The following SIPA1L3 variants were observed in gnomAD, a reference collection of about 807,000 sequenced individuals.
SIPA1L3 encodes signal induced proliferation associated 1 like 3.
Under a neutral mutation model 150.1 loss-of-function variants are expected in SIPA1L3, and 59 were observed. The observed-to-expected ratio is 0.39, with a 90% CI of 0.32 to 0.49. The LOEUF is 0.49. Ranked by LOEUF, SIPA1L3 falls within the 20% of genes least tolerant of loss-of-function variation. The probability of loss-of-function intolerance (pLI) is 0.86; values close to 1 mark genes in which losing one functional copy is unlikely to be tolerated. For synonymous variants in SIPA1L3, 1,070 were observed against 1,077.6 expected, an observed-to-expected ratio of 0.99 and a Z score of 0.14; for missense variants, 2,211 against 2,489.5, an observed-to-expected ratio of 0.89 and a Z score of 2.38.
At chr19:38,023,939 G>A (rs1968439387) in intron 1 of SIPA1L3, among the ~76,000 whole-genome samples, 2 of 152,186 alleles carry the variant, frequency 1.3e-5, no homozygotes, top group South Asian at 4.1e-4. Flanking sequence ...CTAATAATCT[G>A]CCCACTTGGA....
At chr19:38,068,980 T>C (rs1281864133) in intron 2 of SIPA1L3, among the ~76,000 whole-genome samples, 1 of 152,160 alleles carries the variant, frequency 6.6e-6, no homozygotes, top group Non-Finnish European at 1.5e-5. Context: ...AGCTCATCAG[T>C]GTTGACCTTA....
chr19:38,022,957 A>G (rs994915404), intron 1 of SIPA1L3, among the ~76,000 whole-genome samples: 6 of 151,948 alleles, frequency 3.9e-5, no homozygotes, highest in Non-Finnish European at 8.8e-5. Flanking sequence ...GTTTGTTCCC[A>G]TTTCCACCCC....
intron 1 of SIPA1L3, among the ~76,000 whole-genome samples, chr19:37,962,865 C>T (rs1373049546): frequency 1.3e-5 from 2 of 152,204 alleles, no homozygotes; most frequent in African/African-American, 2.4e-5. Flanking sequence ...TGATTTCTAC[C>T]TTCCAGGCCA....
chr19:38,098,779 A>G (rs190331258), intron 4 of SIPA1L3, among the ~76,000 whole-genome samples: 108 of 152,306 alleles, frequency 7.1e-4, no homozygotes, highest in African/African-American at 2.4e-3. Context: ...TTGGGAAGCA[A>G]CATCTGGGGA....
chr19:38,135,949 G>C (rs1040269887), intron 10 of SIPA1L3, among the ~76,000 whole-genome samples: 1 of 151,956 alleles, frequency 6.6e-6, no homozygotes, highest in East Asian at 1.9e-4. Flanking sequence ...CAGCCAGGCC[G>C]CATGGCTTGC....
At chr19:38,022,423 A>G (rs776110774) in intron 1 of SIPA1L3, among the ~76,000 whole-genome samples, 5 of 151,892 alleles carry the variant, frequency 3.3e-5, no homozygotes, top group Non-Finnish European at 7.4e-5. Flanking sequence ...GTGAGACCCT[A>G]TCTTTAAGAA....
At position 38,193,770 on chromosome 19, in the gene SIPA1L3, C is replaced by G. The variant is rs753354592; in HGVS notation, c.4830C>G (p.Pro1610=). 7.0e-6 allele frequency: 11 copies of G among 1,572,364 alleles called. No homozygotes were observed. The highest frequency in any genetic ancestry group is 1.8e-5 in the Admixed American group (1 of 55,840). Residue 1610 remains proline, a synonymous_variant, in exon 18 of 22, where the codon CCC becomes CCG. Transcript: ENST00000222345. ...GATPAAGSGF[P]EKKSTISASE... Reference sequence around the variant, plus strand: ...CCCCTGCCGCCGGCAGCGGCTTTCCCGAGAAGAAATGTGAGCCTGGGCCCC... The same window carrying G: ...CCCCTGCCGCCGGCAGCGGCTTTCCGGAGAAGAAATGTGAGCCTGGGCCCC...
At chr19:38,022,753 A>G (rs1297730587) in intron 1 of SIPA1L3, among the ~76,000 whole-genome samples, 2 of 152,220 alleles carry the variant, frequency 1.3e-5, no homozygotes, top group Non-Finnish European at 2.9e-5. Context: ...AACACAACAG[A>G]AAACAGTGCC....
chr19:37,929,968 C>T (rs1442652786), intron 1 of SIPA1L3, among the ~76,000 whole-genome samples: 1 of 151,922 alleles, frequency 6.6e-6, no homozygotes, highest in Non-Finnish European at 1.5e-5. Flanking sequence ...AAGCAATCCT[C>T]CCGCCTCAAC....
At chr19:38,113,831 C>T (rs1291609401) in intron 8 of SIPA1L3, among the ~76,000 whole-genome samples, 5 of 152,086 alleles carry the variant, frequency 3.3e-5, no homozygotes, top group Admixed American at 1.3e-4. Context: ...GTTCTAGCAA[C>T]GCTTCTTGCC....
intron 2 of SIPA1L3, among the ~76,000 whole-genome samples, chr19:38,065,054 TGTAATC>T (rs1969541379): frequency 6.6e-6 from 1 of 152,270 alleles, no homozygotes; most frequent in East Asian, 1.9e-4. Flanking sequence ...TACGCAGGCG[TGTAATC>T]ATATGAACAT....
At chr19:38,080,063 T>C (rs1471567647) in intron 2 of SIPA1L3, among the ~76,000 whole-genome samples, 1 of 152,154 alleles carries the variant, frequency 6.6e-6, no homozygotes, top group Non-Finnish European at 1.5e-5. Flanking sequence ...GGATGGTGTT[T>C]TAATGCAGTA....
chr19:38,190,423 T>A (rs546880763), intron 16 of SIPA1L3, among the ~76,000 whole-genome samples: 4 of 152,338 alleles, frequency 2.6e-5, no homozygotes, highest in Admixed American at 2.6e-4. Flanking sequence ...ACATCCCTGA[T>A]AACTGACAGA....
intron 1 of SIPA1L3, among the ~76,000 whole-genome samples, chr19:38,006,237 T>C (rs1347668535): frequency 6.6e-6 from 1 of 151,476 alleles, no homozygotes; most frequent in East Asian, 1.9e-4. Flanking sequence ...GAGCCTGAGG[T>C]GGGGTAGAGC....
intron 1 of SIPA1L3, among the ~76,000 whole-genome samples, chr19:37,990,426 G>A (rs1168479376): frequency 6.6e-6 from 1 of 152,214 alleles, no homozygotes; most frequent in Non-Finnish European, 1.5e-5. Flanking sequence ...GGGTCGTGGG[G>A]TGAATACCTG....
intron 1 of SIPA1L3, among the ~76,000 whole-genome samples, chr19:37,973,223 A>G (rs1375874785): frequency 1.3e-5 from 2 of 148,652 alleles, no homozygotes; most frequent in African/African-American, 2.5e-5. Flanking sequence ...GGTGTATGAA[A>G]AAAAAGCGCA....
At chr19:38,056,505 C>T (rs1323226130) in intron 2 of SIPA1L3, among the ~76,000 whole-genome samples, 3 of 152,194 alleles carry the variant, frequency 2.0e-5, no homozygotes, top group African/African-American at 7.2e-5. Flanking sequence ...TCTCCAGCAC[C>T]CTGCTCCCAT....
intron 19 of SIPA1L3, among the ~76,000 whole-genome samples, chr19:38,199,382 C>G (rs565961622): frequency 6.6e-6 from 1 of 152,156 alleles, no homozygotes; most frequent in Non-Finnish European, 1.5e-5. Flanking sequence ...ACTGACCACT[C>G]CCCCGCAACC....
chr19:37,952,339 T>C (rs1443289074), intron 1 of SIPA1L3, among the ~76,000 whole-genome samples: 1 of 152,068 alleles, frequency 6.6e-6, no homozygotes, highest in East Asian at 1.9e-4. Flanking sequence ...TCCTAAGTAA[T>C]ACAGTAATTT....
Sources: gnomAD v4.1 joint callset for allele counts (sites outside exome capture counted in the v4.1 genomes callset) on GRCh38, gnomAD v4.1.1 for gene constraint, MANE v1.5 for transcripts, NCBI Gene and HGNC (gene_info 2026-07-23, HGNC 2026-07-21) for gene names.